ARHGAP17: variants seen among roughly 807,000 people sequenced by gnomAD.
The protein encoded by ARHGAP17 is Rho GTPase activating protein 17.
In ARHGAP17, 57 loss-of-function variants were observed where a neutral mutation model predicts 99.5. That is an observed-to-expected ratio of 0.57 (90% CI 0.46 to 0.71). ARHGAP17 has a LOEUF of 0.71. Ranked by LOEUF, ARHGAP17 falls within the 30% of genes least tolerant of loss-of-function variation. ARHGAP17 has a pLI of 0.00. For synonymous variants in ARHGAP17, 417 were observed against 429.6 expected (o/e 0.97, Z 0.36); for missense variants, 1,000 against 1,122.4 (o/e 0.89, Z 1.56).
At chr16:24,989,830 G>GT (rs2052984394) in intron 1 of ARHGAP17, among the ~76,000 whole-genome samples, 1 of 152,202 alleles carries the variant, frequency 6.6e-6, no homozygotes, top group Non-Finnish European at 1.5e-5. Context: ...AAAGTAGAGA[G>GT]TAGAATTGTG....
intron 1 of ARHGAP17, among the ~76,000 whole-genome samples, chr16:25,000,680 C>CT (rs2053337610): frequency 6.6e-6 from 1 of 152,166 alleles, no homozygotes; most frequent in African/African-American, 2.4e-5. Context: ...TTGTGACCTG[C>CT]TAACCACCTC....
chr16:24,972,547 C>A (rs1192326409), intron 3 of ARHGAP17: 1 of 152,142 alleles, frequency 6.6e-6, no homozygotes, highest in African/African-American at 2.4e-5. Flanking sequence ...TCCCAGCTGC[C>A]CCATTTCTGG....
rs751871619 is a variant in ARHGAP17 at position 24,954,672 on chromosome 16, G to T, written c.783C>A (p.Ser261Arg). 1 of 1,613,980 alleles carries T rather than the reference G, an allele frequency of 6.2e-7. No homozygotes were observed. Among genetic ancestry groups the T allele is most frequent in the Non-Finnish European group, 8.5e-7 (1 of 1,179,944 alleles). ...CAATGGGCAGCGCAATCTCGCGCCC[G>T]CTCCTCTTCAGGTGTTCTTCTAGGG... The part of the protein sequence containing the change: ...GTPLEEHLKR[S>R]GREIALPIEA... Residue 261 changes from serine (S) to arginine (R), a missense_variant, in exon 10 of 20, where the codon AGC (serine) becomes AGA (arginine). Ser to Arg is a moderately radical substitution (Grantham distance 110, BLOSUM62 -1). This residue lies in a region of ARHGAP17 where 472 missense variants were observed against 611.1 expected (regional missense o/e 0.77). Transcript: ENST00000289968.
At chr16:24,945,636 C>T (rs1035271352) in intron 14 of ARHGAP17, among the ~76,000 whole-genome samples, 2 of 152,114 alleles carry the variant, frequency 1.3e-5, no homozygotes, top group African/African-American at 2.4e-5. Flanking sequence ...ACCCACTTTC[C>T]GACCAAGTAA....
intron 1 of ARHGAP17, among the ~76,000 whole-genome samples, chr16:24,986,441 T>A (rs2052873577): frequency 6.6e-6 from 1 of 152,318 alleles, no homozygotes. Flanking sequence ...ATTTTTTATG[T>A]TCAGAAAGCT....
intron 3 of ARHGAP17, among the ~76,000 whole-genome samples, chr16:24,971,609 T>C (rs976916291): frequency 2.6e-5 from 4 of 152,236 alleles, no homozygotes; most frequent in Admixed American, 2.6e-4. Context: ...ATTGCAGGCA[T>C]GAGCCACCGC....
At chr16:24,941,023 ATAC>A (rs979736445) in intron 16 of ARHGAP17, among the ~76,000 whole-genome samples, 1 of 152,248 alleles carries the variant, frequency 6.6e-6, no homozygotes, top group African/African-American at 2.4e-5. Context: ...TCATCAGGAA[ATAC>A]TACTGAATGT....
chr16:24,987,799 A>C (rs761030240), intron 1 of ARHGAP17, among the ~76,000 whole-genome samples: 28 of 152,212 alleles, frequency 1.8e-4, no homozygotes, highest in Non-Finnish European at 3.4e-4. Flanking sequence ...TAAAATGAAA[A>C]AATGAAGCAT....
At position 24,941,808 on chromosome 16, in the gene ARHGAP17, T is replaced by G. The variant is rs115542399; in HGVS notation, c.1490+179A>C. The G allele has an allele frequency of 1.2e-5, 9 of 766,638 alleles. No homozygotes were observed. The African/African-American group carries it at 1.6e-4, about 13-fold the overall frequency. The allele number at this position is 766,638 out of a possible 1,614,324, so 47.5% of individuals were successfully genotyped here. ...GTTAACTGAGAAGCTACACACTGAC[T>G]TTATGGTGAGATTAGTGCTTGGAAT... On this transcript the variant is annotated intron_variant, in intron 16 of 19. Transcript: ENST00000289968.
intron 17 of ARHGAP17, chr16:24,936,789 C>T (rs926491220): frequency 6.6e-6 from 1 of 151,654 alleles, no homozygotes; most frequent in African/African-American, 2.4e-5. Context: ...TACATTTAGC[C>T]TTGATTAAAC....
chr16:24,967,511 T>C (rs1337884793), intron 6 of ARHGAP17, among the ~76,000 whole-genome samples: 2 of 152,108 alleles, frequency 1.3e-5, no homozygotes, highest in Non-Finnish European at 2.9e-5. Context: ...TGTAAGTCAC[T>C]GATAGAAACT....
At chr16:24,977,415 G>A (rs1235939312) in intron 2 of ARHGAP17, 96 bp from the exon 3 acceptor site, 19 of 981,870 alleles carry the variant, frequency 1.9e-5, no homozygotes, top group Non-Finnish European at 2.4e-5. Flanking sequence ...TACATGCAGG[G>A]AAAAGGGATG....
Position 24,920,072 on chromosome 16 carries a change from C to T in ARHGAP17, c.*58G>A. The T allele has an allele frequency of 6.3e-7, 1 of 1,591,498 alleles. No individual in the cohort carries two copies. The highest frequency in any genetic ancestry group is 8.6e-7 in the Non-Finnish European group (1 of 1,165,532). The stretch of plus-strand genomic sequence containing the variant: ...TTCGGTCTGCAAAGAAAGAGGTTCG[C>T]CTGCCCCTGCTCCACTCGCCAGGGT... On this transcript the variant is annotated 3_prime_UTR_variant, in exon 20 of 20. Coordinates refer to ENST00000289968, the MANE Select transcript of ARHGAP17 (RefSeq NM_001006634.3).
intron 9 of ARHGAP17, chr16:24,956,520 A>T (rs1402437407): frequency 2.6e-5 from 4 of 152,232 alleles, no homozygotes; most frequent in Non-Finnish European, 5.9e-5. Context: ...ACAAGACAAG[A>T]CATATTTGCT....
At chr16:24,926,349 C>T (rs1210541399) in intron 19 of ARHGAP17, among the ~76,000 whole-genome samples, 2 of 152,010 alleles carry the variant, frequency 1.3e-5, no homozygotes, top group Non-Finnish European at 2.9e-5. Flanking sequence ...CGACCTCCAC[C>T]TCCTGGGTTC....
chr16:24,950,836 C>CAAACAAAAAAAAAAA (rs1386246671), intron 12 of ARHGAP17, among the ~76,000 whole-genome samples: 8 of 39,436 alleles, frequency 2.0e-4, no homozygotes, highest in African/African-American at 8.4e-4. Context: ...GACTCCAACT[C>CAAACAAAAAAAAAAA]AAAAAAAAAA....
intron 7 of ARHGAP17, among the ~76,000 whole-genome samples, chr16:24,963,212 G>A (rs1338669997): frequency 6.6e-6 from 1 of 152,162 alleles, no homozygotes; most frequent in Admixed American, 6.5e-5. Flanking sequence ...TTTAGTAGAA[G>A]CATTTATCTG....
chr16:24,929,702 T>G (rs1170564859), intron 19 of ARHGAP17: 2 of 975,808 alleles, frequency 2.0e-6, no homozygotes, highest in Admixed American at 6.1e-5. Context: ...GGCTTTGTTG[T>G]TTTCAAAATA....
chr16:24,931,097 G>T lies in ARHGAP17; in HGVS notation c.2202C>A (p.Gly734=). Residue 734 remains glycine, a synonymous_variant, in exon 19 of 20, where the codon GGC becomes GGA. Coordinates refer to ENST00000289968, the MANE Select transcript of ARHGAP17 (RefSeq NM_001006634.3). ...PLMHTKPNSQ[G]PPNPMALPSE... ...TGGGCAATGCCATGGGGTTGGGAGG[G>T]CCCTGGCTATTGGGTTTGGTGTGCA... 4.4e-6 allele frequency: 7 copies of T among 1,606,398 alleles called. No individual in the cohort carries two copies. Among genetic ancestry groups the T allele is most frequent in the Non-Finnish European group, 6.0e-6 (7 of 1,176,416 alleles).
Sources: allele counts gnomAD v4.1 joint callset (sites outside exome capture counted in the v4.1 genomes callset), GRCh38; gene constraint gnomAD v4.1.1; regional missense constraint gnomAD v4.1.1; transcripts MANE v1.5; gene names NCBI Gene and HGNC (gene_info 2026-07-23, HGNC 2026-07-21).